FOXP3: variants seen among roughly 807,000 people sequenced by gnomAD.
The protein encoded by FOXP3 is forkhead box protein P3.
A neutral mutation model predicts 31.2 loss-of-function variants in FOXP3; 5 were observed. The observed-to-expected ratio is 0.16, with a 90% CI of 0.08 to 0.34. The LOEUF (loss-of-function observed/expected upper bound fraction) is 0.34. Among genes scored for constraint, FOXP3 ranks in the 10% least tolerant of loss-of-function variants. The pLI is 1.00. For missense variants in FOXP3, 251 were observed against 363.0 expected (o/e 0.69, Z 2.51); for synonymous variants, 141 against 148.8 (o/e 0.95, Z 0.38).
chrX:49,253,041 C>T lies in FOXP3; in HGVS notation c.1044+85G>A, dbSNP rs1009561176. The T allele has an allele frequency of 3.5e-6, 3 of 868,466 alleles. No homozygotes were observed. In the African/African-American group the frequency reaches 6.0e-5, roughly 17 times the overall value. The allele number at this position is 868,466 out of a possible 1,213,427, so 71.6% of individuals were successfully genotyped here. A position where few individuals can be genotyped will look rare whatever the true frequency, so the allele number is the denominator to read the frequency against. On this transcript the variant is annotated intron_variant, in intron 10 of 11. Coordinates refer to ENST00000376207, the MANE Select transcript of FOXP3 (RefSeq NM_014009.4). The stretch of plus-strand genomic sequence containing the variant: ...AATGGAGGAACCCACTCTGAGGGCA[C>T]TCAGAGGGAGACAGGAGTTTGGGAG...
At position 49,251,441 on chromosome X, in the gene FOXP3, G is replaced by T; in HGVS notation, c.1189C>A (p.Arg397=). The change falls in exon 12 of 12, where the codon CGG becomes AGG. Residue 397 remains arginine, a synonymous_variant. Transcript: ENST00000376207. ...ACAGCCCCCTTCTCGCTCTCCACCC[G>T]CACAAAGCACTTGTGCAGACTCAGG... ...HNLSLHKCFV[R]VESEKGAVWT... is the part of the protein sequence containing the mutation. The T allele has an allele frequency of 8.3e-7, 1 of 1,211,778 alleles. No individual in the cohort carries two copies. The highest frequency in any genetic ancestry group is 1.1e-6 in the Non-Finnish European group (1 of 895,504).
intron 6 of FOXP3, among the ~76,000 whole-genome samples, 179 bp from the exon 7 acceptor site, chrX:49,255,981 C>T (rs1291385148): frequency 9.0e-6 from 1 of 111,179 alleles, no homozygotes; most frequent in African/African-American, 3.3e-5. Context: ...CCCCTCAGCA[C>T]CTACTGCATG....
intron 1 of FOXP3, among the ~76,000 whole-genome samples, chrX:49,263,874 C>T (rs935892364): frequency 8.1e-5 from 9 of 111,540 alleles, no homozygotes; most frequent in African/African-American, 2.9e-4. Flanking sequence ...CAAGGGTCTC[C>T]TCTAAAGCGA....
intron 8 of FOXP3, among the ~76,000 whole-genome samples, chrX:49,254,359 T>A (rs2066054457): frequency 8.9e-6 from 1 of 111,910 alleles, no homozygotes; most frequent in Admixed American, 9.4e-5. Flanking sequence ...CTCGAACTCC[T>A]GACCTCATGT....
At chrX:49,259,865 T>C (rs1557116981) in intron 1 of FOXP3, among the ~76,000 whole-genome samples, 1 of 111,556 alleles carries the variant, frequency 9.0e-6, no homozygotes, top group African/African-American at 3.3e-5. Context: ...CTGGTGTGTG[T>C]GTGTGTGTGT....
chrX:49,256,973 G>T lies in FOXP3; in HGVS notation c.494C>A (p.Pro165Gln). The T allele has an allele frequency of 8.3e-7, 1 of 1,210,943 alleles. No individual in the cohort carries two copies. Among genetic ancestry groups the T allele is most frequent in the Non-Finnish European group, 1.1e-6 (1 of 895,193 alleles). Residue 165 changes from proline (P) to glutamine (Q), a missense_variant, in exon 5 of 12, where the codon CCG (proline) becomes CAG (glutamine). Transcript: ENST00000376207. The part of the protein sequence containing the change: ...VASLEWVSRE[P>Q]ALLCTFPNPS... ...ATTTGGGAAGGTGCAGAGCAGTGCC[G>T]GCTCCCTGGACACCCATTCCAGGCT...
chrX:49,254,252 C>T (rs1439158708), intron 8 of FOXP3, among the ~76,000 whole-genome samples, 185 bp from the exon 9 acceptor site: 1 of 111,878 alleles, frequency 8.9e-6, no homozygotes, highest in African/African-American at 3.3e-5. Flanking sequence ...CTGCCTCAGC[C>T]TCCCGAGTAG....
chrX:49,260,283 C>G (rs1351732477), intron 1 of FOXP3, among the ~76,000 whole-genome samples: 1 of 111,819 alleles, frequency 8.9e-6, no homozygotes, highest in African/African-American at 3.3e-5. Context: ...CCCTTATGGC[C>G]CCCAGAAGGA....
intron 8 of FOXP3, 85 bp from the exon 9 acceptor site, chrX:49,254,152 T>A: frequency 9.5e-7 from 1 of 1,051,773 alleles, no homozygotes; most frequent in Non-Finnish European, 1.3e-6. Flanking sequence ...TTTTTTTTGA[T>A]ACTGAGTCTT....
At chrX:49,255,330 C>T in intron 8 of FOXP3, 99 bp downstream of exon 8, 2 of 862,683 alleles carry the variant, frequency 2.3e-6, no homozygotes, top group South Asian at 4.3e-5. Context: ...CCCTAGCTCT[C>T]AGGACCTGAA....
At chrX:49,257,133 G>C in intron 4 of FOXP3, 121 bp from the exon 5 acceptor site, 2 of 636,161 alleles carry the variant, frequency 3.1e-6, no homozygotes, top group Non-Finnish European at 4.8e-6. Context: ...CTCCCAGGGG[G>C]CTCTGCTGTC....
rs57734889 is a variant in FOXP3, at chrX:49,258,676, GAC to G, written c.-22-151_-22-150del. On this transcript the variant is annotated intron_variant, in intron 1 of 11. Coordinates refer to ENST00000376207, the MANE Select transcript of FOXP3 (RefSeq NM_014009.4). ...GCCCCATAGTTGCACCCCAGCTCTA[GAC>G]ACACACACACACACACACACACACA... 0.39 allele frequency: 120,654 copies of G among 306,685 alleles called. 9,320 individuals carry two copies. Among genetic ancestry groups the G allele is most frequent in the Non-Finnish European group, 0.44 (77,822 of 175,302 alleles). 25.3% of individuals were successfully genotyped at this position (306,685 alleles called of 1,213,427 possible).
chrX:49,254,721 C>T (rs2066057093), intron 8 of FOXP3, among the ~76,000 whole-genome samples: 1 of 111,457 alleles, frequency 9.0e-6, no homozygotes, highest in African/African-American at 3.3e-5. Context: ...AGAAACAGTG[C>T]CTGGCCTCCA....
intron 1 of FOXP3, among the ~76,000 whole-genome samples, chrX:49,261,100 C>T (rs1557117149): frequency 8.9e-6 from 1 of 112,674 alleles, no homozygotes; most frequent in Non-Finnish European, 1.9e-5. Context: ...AATAGTATAA[C>T]ACCAGGACCT....
intron 2 of FOXP3, 33 bp downstream of exon 2, chrX:49,258,263 C>T: frequency 1.8e-6 from 2 of 1,113,675 alleles, no homozygotes; most frequent in Non-Finnish European, 2.4e-6. Flanking sequence ...GGTACCCCAC[C>T]CTGCCTGCCC....
At chrX:49,255,667 G>A (rs782538796) in intron 7 of FOXP3, 48 bp downstream of exon 7, 55 of 1,160,949 alleles carry the variant, frequency 4.7e-5, no homozygotes, top group Non-Finnish European at 6.3e-5. Context: ...TGGACAGAAG[G>A]TTTTGCGCAC....
At chrX:49,259,654 T>C (rs2066098491) in intron 1 of FOXP3, among the ~76,000 whole-genome samples, 2 of 110,788 alleles carry the variant, frequency 1.8e-5, no homozygotes, top group African/African-American at 3.3e-5. Flanking sequence ...CCCAGAACCT[T>C]CCACTCCCTG....
rs17847094 is a variant in FOXP3 at position 49,253,782 on chromosome X, C to T, written c.967+135G>A. Reference sequence around the variant, plus strand: ...GCTTTTGTGAGCGGATGCATTTTCCCAAAGGCTGAGTGGCGGCAGCTGCAG... The same window carrying T: ...GCTTTTGTGAGCGGATGCATTTTCCTAAAGGCTGAGTGGCGGCAGCTGCAG... On this transcript the variant is annotated intron_variant, in intron 9 of 11. Transcript: ENST00000376207. 311 of 821,228 alleles carry T rather than the reference C, an allele frequency of 3.8e-4. 6 individuals are homozygous for T. The East Asian group carries it at 9.9e-3, about 26-fold the overall frequency. The allele number at this position is 821,228 out of a possible 1,213,427, so 67.7% of individuals were successfully genotyped here.
chrX:49,258,156 G>A, intron 2 of FOXP3, 140 bp downstream of exon 2: 1 of 503,738 alleles, frequency 2.0e-6, no homozygotes, highest in East Asian at 3.7e-5. Flanking sequence ...ATCTGCATAA[G>A]TCACAGACTT....
Sources: gnomAD v4.1 joint callset for allele counts (sites outside exome capture counted in the v4.1 genomes callset) on GRCh38, gnomAD v4.1.1 for gene constraint, MANE v1.5 for transcripts, NCBI Gene and HGNC (gene_info 2026-07-23, HGNC 2026-07-21) for gene names.